The following NKX2-8 variants were observed in gnomAD, a reference collection of about 807,000 sequenced individuals.
NKX2-8 encodes the protein NK2 homeobox 8.
A neutral mutation model predicts 6.4 loss-of-function variants in NKX2-8; 8 were observed. The observed-to-expected ratio is 1.24, with a 90% CI of 0.73 to 2.24. The LOEUF (loss-of-function observed/expected upper bound fraction) is 2.24, where lower values mean the gene tolerates loss of function less well. Ranked by LOEUF, NKX2-8 falls within the 30% of genes most tolerant of loss-of-function variation. The pLI is 0.00. For synonymous variants in NKX2-8, 216 were observed against 171.5 expected, an observed-to-expected ratio of 1.26 and a Z score of -2.03; for missense variants, 406 against 351.1, an observed-to-expected ratio of 1.16 and a Z score of -1.25.
intron 1 of NKX2-8, 40 bp downstream of exon 1, chr14:36,582,193 C>T: frequency 6.4e-7 from 1 of 1,570,140 alleles, no homozygotes; most frequent in Non-Finnish European, 8.7e-7. Flanking sequence ...CCCCACGCCT[C>T]CTACCTCCCA....
chr14:36,582,252 C>G lies in NKX2-8; in HGVS notation c.138G>C (p.Ser46=), dbSNP rs375081172. 5.3e-5 allele frequency: 85 copies of G among 1,608,622 alleles called. No individual in the cohort carries two copies. The highest frequency in any genetic ancestry group is 6.9e-5 in the Non-Finnish European group (81 of 1,177,432). Residue 46 remains serine, a synonymous_variant, in exon 1 of 2, where the codon TCG becomes TCC. Coordinates refer to ENST00000258829, the MANE Select transcript of NKX2-8 (RefSeq NM_014360.4). Reference sequence around the variant, plus strand: ...ACTTACAAGGGTAGTGGCCGCGCTCCGAATCCAGCCAGGCGGCGCAGGGGT... The same window carrying G: ...ACTTACAAGGGTAGTGGCCGCGCTCGGAATCCAGCCAGGCGGCGCAGGGGT... ...QPDPCAAWLD[S]ERGHYPSSDE... is the part of the protein sequence containing the mutation.
Position 36,581,662 on chromosome 14 carries a change from T to A in NKX2-8, c.158-198A>T, listed in dbSNP as rs1321898447. The stretch of plus-strand genomic sequence containing the variant: ...GGTGACCTCATTCATACCACAGCGG[T>A]CATCAGCGGGCCTGAGATCGTGCCC... On this transcript the variant is annotated intron_variant, in intron 1 of 1. Transcript: ENST00000258829. This position sits in a 1 kb window ranked among gnomAD's most constrained non-coding sequence, Gnocchi z 5.6. Among the ~76,000 whole-genome samples, 3 of 152,156 alleles carry A rather than the reference T, an allele frequency of 2.0e-5. No homozygotes were observed. Among genetic ancestry groups the A allele is most frequent in the Non-Finnish European group, 4.4e-5 (3 of 68,018 alleles).
Position 36,581,564 on chromosome 14 carries a change from G to T in NKX2-8, c.158-100C>A. 9.6e-7 allele frequency: 1 copy of T among 1,038,092 alleles called. No homozygotes were observed. Among genetic ancestry groups the T allele is most frequent in the Non-Finnish European group, 1.4e-6 (1 of 728,178 alleles). The allele number at this position is 1,038,092 out of a possible 1,614,324, so 64.3% of individuals were successfully genotyped here. On this transcript the variant is annotated intron_variant, in intron 1 of 1. Transcript: ENST00000258829. This position sits in a 1 kb window ranked among gnomAD's most constrained non-coding sequence, Gnocchi z 5.6. ...CGTGGAGGCACTGGCCAGAGGGCACGCCCACTAGCCCGAGACTTTCGGGAT... is the reference window on the plus strand; with the variant it reads ...CGTGGAGGCACTGGCCAGAGGGCACTCCCACTAGCCCGAGACTTTCGGGAT...
Position 36,581,323 on chromosome 14 carries a change from T to C in NKX2-8, c.299A>G (p.Glu100Gly), listed in dbSNP as rs1218094729. ...GTACCGCTGCTGCCGGAAGCGCCGC[T>C]CCAACTCCAGCGTCTGCGCCTTGGA... Reference protein sequence around the residue: ...LFSKAQTLELERRFRQQRYLS... With the variant: ...LFSKAQTLELGRRFRQQRYLS... The change falls in exon 2 of 2, where the codon GAG becomes GGG. Residue 100 changes from glutamate (E) to glycine (G), a missense_variant. Glu to Gly is a moderately conservative substitution (Grantham distance 98). Coordinates refer to ENST00000258829, the MANE Select transcript of NKX2-8 (RefSeq NM_014360.4). This position sits in a 1 kb window ranked among gnomAD's most constrained non-coding sequence, Gnocchi z 5.6. 6.3e-7 allele frequency: 1 copy of C among 1,583,530 alleles called. No homozygotes were observed. Among genetic ancestry groups the C allele is most frequent in the Admixed American group, 1.8e-5 (1 of 55,158 alleles).
At position 36,581,286 on chromosome 14, in the gene NKX2-8, G is replaced by C. The variant is rs765188764; in HGVS notation, c.336C>G (p.Pro112=). 8 of 1,600,630 alleles carry C rather than the reference G, an allele frequency of 5.0e-6. No individual in the cohort carries two copies. Among genetic ancestry groups the C allele is most frequent in the Non-Finnish European group, 6.8e-6 (8 of 1,174,604 alleles). ...GCAGGCTCGCCAGCTGCTCGCGCTCGGGCGCAGACAGGTACCGCTGCTGCC... is the reference window on the plus strand; with the variant it reads ...GCAGGCTCGCCAGCTGCTCGCGCTCCGGCGCAGACAGGTACCGCTGCTGCC... ...RFRQQRYLSA[P]EREQLASLLR... Residue 112 remains proline, a synonymous_variant, in exon 2 of 2, where the codon CCC becomes CCG. Transcript: ENST00000258829. This position sits in a 1 kb window ranked among gnomAD's most constrained non-coding sequence, Gnocchi z 5.6.
chr14:36,581,730 G>C lies in NKX2-8; in HGVS notation c.158-266C>G, dbSNP rs2139055135. Among the ~76,000 whole-genome samples, 1 of 152,326 alleles carries C rather than the reference G, an allele frequency of 6.6e-6. No individual in the cohort carries two copies. Among genetic ancestry groups the C allele is most frequent in the Admixed American group, 6.5e-5 (1 of 15,312 alleles). ...GGGCCCTCTTAACATGTCCGCACCG[G>C]TAGTTGCGCTGGCCGACCAGTTTAT... On this transcript the variant is annotated intron_variant, in intron 1 of 1. Transcript: ENST00000258829. The surrounding 1 kb of genome is among the most constrained non-coding windows in gnomAD (Gnocchi z 5.6).
chr14:36,582,554 C>T lies in NKX2-8; in HGVS notation c.-165G>A. 1.6e-6 allele frequency: 1 copy of T among 643,662 alleles called. No homozygotes were observed. The highest frequency in any genetic ancestry group is 2.4e-6 in the Non-Finnish European group (1 of 413,520). 39.9% of individuals were successfully genotyped at this position (643,662 alleles called of 1,614,324 possible). ...TGTTTATATAAACAGCTCTTCCCACCCAGGCCGCTTTGAAAGCCGAGGTCC... is the reference window on the plus strand; with the variant it reads ...TGTTTATATAAACAGCTCTTCCCACTCAGGCCGCTTTGAAAGCCGAGGTCC... On this transcript the variant is annotated 5_prime_UTR_variant, in exon 1 of 2. Coordinates refer to ENST00000258829, the MANE Select transcript of NKX2-8 (RefSeq NM_014360.4).
At position 36,581,224 on chromosome 14, in the gene NKX2-8, T is replaced by A. The variant is rs1566632187; in HGVS notation, c.398A>T (p.Gln133Leu). ...LTPTQVKIWF[Q>L]NHRYKLKRAR... ...GCGCTTCAGCTTGTAGCGATGATTC[T>A]GGAACCAGATCTTGACCTGCGTGGG... Residue 133 changes from glutamine (Q) to leucine (L), a missense_variant, in exon 2 of 2, where the codon CAG (glutamine) becomes CTG (leucine). By Grantham distance (113) the Gln-to-Leu change is moderately radical (BLOSUM62 -2). Transcript: ENST00000258829. The surrounding 1 kb of genome is among the most constrained non-coding windows in gnomAD (Gnocchi z 5.6). 1 of 1,611,084 alleles carries A rather than the reference T, an allele frequency of 6.2e-7. No individual in the cohort carries two copies. The highest frequency in any genetic ancestry group is 8.5e-7 in the Non-Finnish European group (1 of 1,179,408).
Position 36,581,209 on chromosome 14 carries a change from TTG to T in NKX2-8, c.411_412del (p.Tyr137Ter). The T allele has an allele frequency of 6.2e-7, 1 of 1,610,112 alleles. No individual in the cohort carries two copies. The highest frequency in any genetic ancestry group is 8.5e-7 in the Non-Finnish European group (1 of 1,179,274). On this transcript the variant is annotated stop_gained and frameshift_variant, in exon 2 of 2. Transcript: ENST00000258829. LOFTEE classifies it low-confidence loss of function (END_TRUNC). This position sits in a 1 kb window ranked among gnomAD's most constrained non-coding sequence, Gnocchi z 5.6. The stretch of plus-strand genomic sequence containing the variant: ...CCCTGGAGCGCGAGCGCGCTTCAGC[TTG>T]TAGCGATGATTCTGGAACCAGATCT...
rs1172353676 is a variant in NKX2-8, at chr14:36,580,141, G to A, written c.*761C>T. On this transcript the variant is annotated 3_prime_UTR_variant, in exon 2 of 2. Coordinates refer to ENST00000258829, the MANE Select transcript of NKX2-8 (RefSeq NM_014360.4). Reference sequence around the variant, plus strand: ...TGGAAACAGCTTGCGGCCCGGCCTGGGCTGCTCCGGTGCAGCGCGCCCCGC... The same window carrying A: ...TGGAAACAGCTTGCGGCCCGGCCTGAGCTGCTCCGGTGCAGCGCGCCCCGC... 6.6e-6 allele frequency among the ~76,000 whole-genome samples: 1 copy of A among 152,074 alleles called. No individual in the cohort carries two copies. Among genetic ancestry groups the A allele is most frequent in the Non-Finnish European group, 1.5e-5 (1 of 68,012 alleles).
Position 36,580,766 on chromosome 14 carries a change from C to T in NKX2-8, c.*136G>A, listed in dbSNP as rs906141216. 1.9e-5 allele frequency: 11 copies of T among 587,088 alleles called. No homozygotes were observed. The highest frequency in any genetic ancestry group is 5.0e-4 in the Middle Eastern group (1 of 2,020). The allele number at this position is 587,088 out of a possible 1,614,324, so 36.4% of individuals were successfully genotyped here. A position where few individuals can be genotyped will look rare whatever the true frequency, so the allele number is the denominator to read the frequency against. On this transcript the variant is annotated 3_prime_UTR_variant, in exon 2 of 2. Transcript: ENST00000258829. ...TGCGCGACGGCTGATGAGGGCGCGC[C>T]AGGGACCCTGGCGCCCAAGGAGATG...
Position 36,581,232 on chromosome 14 carries a change from G to A in NKX2-8, c.390C>T (p.Ile130=). The A allele has an allele frequency of 1.2e-6, 2 of 1,611,200 alleles. No individual in the cohort carries two copies. Among genetic ancestry groups the A allele is most frequent in the Non-Finnish European group, 1.7e-6 (2 of 1,179,368 alleles). ...GCTTGTAGCGATGATTCTGGAACCA[G>A]ATCTTGACCTGCGTGGGCGTGAGGC... The part of the protein sequence containing the change: ...LLRLTPTQVK[I]WFQNHRYKLK... Residue 130 remains isoleucine, a synonymous_variant, in exon 2 of 2, where the codon ATC becomes ATT. Transcript: ENST00000258829. This position sits in a 1 kb window ranked among gnomAD's most constrained non-coding sequence, Gnocchi z 5.6.
At position 36,581,741 on chromosome 14, in the gene NKX2-8, G is replaced by T. The variant is rs1329693899; in HGVS notation, c.158-277C>A. ...ACATGTCCGCACCGGTAGTTGCGCT[G>T]GCCGACCAGTTTATCACAAGCTGGG... On this transcript the variant is annotated intron_variant, in intron 1 of 1. Transcript: ENST00000258829. The surrounding 1 kb of genome is among the most constrained non-coding windows in gnomAD (Gnocchi z 5.6). Among the ~76,000 whole-genome samples, 1 of 152,156 alleles carries T rather than the reference G, an allele frequency of 6.6e-6. No homozygotes were observed. The highest frequency in any genetic ancestry group is 1.5e-5 in the Non-Finnish European group (1 of 68,028).
In NKX2-8 at chr14:36,580,250, C is replaced by T. The variant is rs1264786020; in HGVS notation, c.*652G>A. Among the ~76,000 whole-genome samples the T allele has an allele frequency of 6.6e-6, 1 of 152,200 alleles. No individual in the cohort carries two copies. The highest frequency in any genetic ancestry group is 1.5e-5 in the Non-Finnish European group (1 of 68,042). On this transcript the variant is annotated 3_prime_UTR_variant, in exon 2 of 2. Transcript: ENST00000258829. ...GGTTGACTTTTCGGTATTCGAAACG[C>T]CAGCAGCTCTGGGAGCCCAGCGGAG...
In NKX2-8 at chr14:36,581,212, T is replaced by C; in HGVS notation, c.410A>G (p.Tyr137Cys). Residue 137 changes from tyrosine to cysteine, a missense_variant, in exon 2 of 2, where the codon TAC (tyrosine) becomes TGC (cysteine). Transcript: ENST00000258829. The surrounding 1 kb of genome is among the most constrained non-coding windows in gnomAD (Gnocchi z 5.6). ...TGGAGCGCGAGCGCGCTTCAGCTTG[T>C]AGCGATGATTCTGGAACCAGATCTT... ...QVKIWFQNHR[Y>C]KLKRARAPGA... 2 of 1,610,386 alleles carry C rather than the reference T, an allele frequency of 1.2e-6. No homozygotes were observed. Among genetic ancestry groups the C allele is most frequent in the Non-Finnish European group, 1.7e-6 (2 of 1,179,312 alleles).
In NKX2-8 at chr14:36,582,608, G is replaced by A; in HGVS notation, c.-219C>T. The A allele has an allele frequency of 2.3e-6, 1 of 430,414 alleles. No homozygotes were observed. The highest frequency in any genetic ancestry group is 4.3e-5 in the Admixed American group (1 of 23,468). The allele number at this position is 430,414 out of a possible 1,614,324, so 26.7% of individuals were successfully genotyped here. On this transcript the variant is annotated 5_prime_UTR_variant, in exon 1 of 2. Transcript: ENST00000258829. The stretch of plus-strand genomic sequence containing the variant: ...TCTCCAGGGTGTTAAGTACCTGAAT[G>A]AGCACTGGACCAGAGCCGGGGCGAG...
chr14:36,581,226 G>A lies in NKX2-8; in HGVS notation c.396C>T (p.Phe132=), dbSNP rs756435351. Residue 132 remains phenylalanine (F), a synonymous_variant, in exon 2 of 2, where the codon TTC becomes TTT. Coordinates refer to ENST00000258829, the MANE Select transcript of NKX2-8 (RefSeq NM_014360.4). This position sits in a 1 kb window ranked among gnomAD's most constrained non-coding sequence, Gnocchi z 5.6. ...GCTTCAGCTTGTAGCGATGATTCTG[G>A]AACCAGATCTTGACCTGCGTGGGCG... ...RLTPTQVKIW[F]QNHRYKLKRA... is the part of the protein sequence containing the mutation. 6.2e-7 allele frequency: 1 copy of A among 1,611,162 alleles called. No individual in the cohort carries two copies. Among genetic ancestry groups the A allele is most frequent in the South Asian group, 1.1e-5 (1 of 90,642 alleles).
In NKX2-8 at chr14:36,580,363, G is replaced by T. The variant is rs1217902812; in HGVS notation, c.*539C>A. On this transcript the variant is annotated 3_prime_UTR_variant, in exon 2 of 2. Transcript: ENST00000258829. The stretch of plus-strand genomic sequence containing the variant: ...CTTCCTCCTCTCCTTTTCTTCCCGC[G>T]CCCAACCCTGACATCACCACCCCTC... Among the ~76,000 whole-genome samples, 1 of 151,884 alleles carries T rather than the reference G, an allele frequency of 6.6e-6. No individual in the cohort carries two copies. The highest frequency in any genetic ancestry group is 1.5e-5 in the Non-Finnish European group (1 of 67,978).
chr14:36,582,453 G>A lies in NKX2-8; in HGVS notation c.-64C>T. The A allele has an allele frequency of 7.1e-7, 1 of 1,403,136 alleles. No individual in the cohort carries two copies. The highest frequency in any genetic ancestry group is 1.6e-5 in the South Asian group (1 of 64,450). 86.9% of individuals were successfully genotyped at this position (1,403,136 alleles called of 1,614,324 possible). Reference sequence around the variant, plus strand: ...GGAACGGAGGGGCGGCCGGGACGCCGCTCCTACGGATGGGCGTGGGAGGCG... The same window carrying A: ...GGAACGGAGGGGCGGCCGGGACGCCACTCCTACGGATGGGCGTGGGAGGCG... On this transcript the variant is annotated 5_prime_UTR_variant, in exon 1 of 2. Coordinates refer to ENST00000258829, the MANE Select transcript of NKX2-8 (RefSeq NM_014360.4).
Sources: allele counts gnomAD v4.1 joint callset (sites outside exome capture counted in the v4.1 genomes callset), GRCh38; gene constraint gnomAD v4.1.1; non-coding constraint Gnocchi (gnomAD v3.1); transcripts MANE v1.5; gene names NCBI Gene and HGNC (gene_info 2026-07-23, HGNC 2026-07-21).